The following WASHC4 variants were observed in gnomAD, a reference collection of about 807,000 sequenced individuals.
WASHC4 encodes WASH complex subunit 4, also known as WASH complex subunit 7.
A neutral mutation model predicts 166.6 loss-of-function variants in WASHC4; 86 were observed. That is an observed-to-expected ratio of 0.52 (90% CI 0.43 to 0.62). The LOEUF (loss-of-function observed/expected upper bound fraction) is 0.62. Ranked by LOEUF, WASHC4 falls within the 20% of genes least tolerant of loss-of-function variation. WASHC4 has a pLI of 0.00. For synonymous variants in WASHC4, 446 were observed against 451.6 expected, an observed-to-expected ratio of 0.99 and a Z score of 0.16; for missense variants, 1,262 against 1,382.4, an observed-to-expected ratio of 0.91 and a Z score of 1.38.
rs779356388 is a variant in WASHC4, at chr12:105,168,483, G to A, written c.*1552G>A. On this transcript the variant is annotated 3_prime_UTR_variant, in exon 33 of 33. Coordinates refer to ENST00000332180, the MANE Select transcript of WASHC4 (RefSeq NM_015275.3). Reference sequence around the variant, plus strand: ...TCTTGCATTTGATTATATCAAATTCGTCATTTCATAGCAACAGTATTGTTT... The same window carrying A: ...TCTTGCATTTGATTATATCAAATTCATCATTTCATAGCAACAGTATTGTTT... The A allele has an allele frequency of 2.6e-5, 4 of 151,974 alleles. No homozygotes were observed. Among genetic ancestry groups the A allele is most frequent in the Non-Finnish European group, 4.4e-5 (3 of 67,816 alleles). The allele number at this position is 151,974 out of a possible 1,614,324, so 9.4% of individuals were successfully genotyped here.
chr12:105,148,940 A>G, intron 24 of WASHC4: 1 of 985,220 alleles, frequency 1.0e-6, no homozygotes, highest in Non-Finnish European at 1.2e-6. Context: ...GGATTTTCTG[A>G]GTCAAGGGCT....
intron 25 of WASHC4, 92 bp from the exon 26 acceptor site, chr12:105,152,251 T>A: frequency 1.4e-6 from 1 of 706,562 alleles, no homozygotes. Flanking sequence ...AATACAAAAT[T>A]GAAAGGAGAG....
Position 105,166,974 on chromosome 12 carries a change from T to C in WASHC4, c.*43T>C. On this transcript the variant is annotated 3_prime_UTR_variant, in exon 33 of 33. Coordinates refer to ENST00000332180, the MANE Select transcript of WASHC4 (RefSeq NM_015275.3). ...GCACATATGATGAAATCATCAGAAT[T>C]GTTAAAACTTTTGCCAGTGGAATGG... 1.4e-6 allele frequency: 2 copies of C among 1,392,654 alleles called. No individual in the cohort carries two copies. Among genetic ancestry groups the C allele is most frequent in the Non-Finnish European group, 2.0e-6 (2 of 986,526 alleles). 86.3% of individuals were successfully genotyped at this position (1,392,654 alleles called of 1,614,324 possible).
Position 105,122,344 on chromosome 12 carries a change from T to C in WASHC4, c.786+106T>C. 2.4e-6 allele frequency: 3 copies of C among 1,234,906 alleles called. No homozygotes were observed. In the South Asian group the frequency reaches 4.1e-5, roughly 17 times the overall value. 76.5% of individuals were successfully genotyped at this position (1,234,906 alleles called of 1,614,324 possible). On this transcript the variant is annotated intron_variant, in intron 10 of 32. Transcript: ENST00000332180. ...AATATACTGTTGAATATAATTTTCTTTAAAAAGTGCTTTGGCTTAAAATTA... is the reference window on the plus strand; with the variant it reads ...AATATACTGTTGAATATAATTTTCTCTAAAAAGTGCTTTGGCTTAAAATTA...
In WASHC4 at chr12:105,114,407, A is replaced by G; in HGVS notation, c.301A>G (p.Ile101Val). Residue 101 changes from isoleucine to valine, a missense_variant, in exon 4 of 33, where the codon ATC (isoleucine) becomes GTC (valine). By Grantham distance (29) the Ile-to-Val change is conservative. Coordinates refer to ENST00000332180, the MANE Select transcript of WASHC4 (RefSeq NM_015275.3). The stretch of plus-strand genomic sequence containing the variant: ...TGTTTATGCTGCACTTTGTTGTGAA[A>G]TCAAGAAATTAAAATATGAGGTAAT... ...ITVYAALCCE[I>V]KKLKYEAETK... is the part of the protein sequence containing the mutation. 1 of 1,592,576 alleles carries G rather than the reference A, an allele frequency of 6.3e-7. No homozygotes were observed. The highest frequency in any genetic ancestry group is 8.6e-7 in the Non-Finnish European group (1 of 1,166,438).
intron 26 of WASHC4, among the ~76,000 whole-genome samples, chr12:105,154,411 A>G (rs753222058): frequency 6.6e-6 from 1 of 152,190 alleles, no homozygotes; most frequent in Non-Finnish European, 1.5e-5. Flanking sequence ...GGTGTAAAGA[A>G]TCTGGGAGCA....
intron 28 of WASHC4, among the ~76,000 whole-genome samples, chr12:105,158,407 T>C (rs1013329562): frequency 6.6e-6 from 1 of 152,192 alleles, no homozygotes; most frequent in Non-Finnish European, 1.5e-5. Context: ...AGATGTAATG[T>C]GGCCTCTTGA....
intron 15 of WASHC4, among the ~76,000 whole-genome samples, chr12:105,139,818 A>G (rs1450039613): frequency 6.6e-6 from 1 of 151,722 alleles, no homozygotes; most frequent in Non-Finnish European, 1.5e-5. Flanking sequence ...TTTTCTTTAT[A>G]GAGACTTTTG....
intron 1 of WASHC4, among the ~76,000 whole-genome samples, chr12:105,110,256 TACTTGCTTC>T (rs1879540886): frequency 6.6e-6 from 1 of 152,228 alleles, no homozygotes; most frequent in African/African-American, 2.4e-5. Context: ...CACTTTCTCT[TACTTGCTTC>T]ACATTGCTAA....
In WASHC4 at chr12:105,164,742, T is replaced by A; in HGVS notation, c.3454+2T>A. ...ACCAAGAAAAGAAAGAGAAGGAAGGTCAGTGAGTGGTTTAAATTTGGAAAG... is the reference window on the plus strand; with the variant it reads ...ACCAAGAAAAGAAAGAGAAGGAAGGACAGTGAGTGGTTTAAATTTGGAAAG... On this transcript the variant is annotated splice_donor_variant, in intron 32 of 32. Transcript: ENST00000332180. LOFTEE classifies it high-confidence loss of function. The A allele has an allele frequency of 3.1e-6, 5 of 1,602,646 alleles. No individual in the cohort carries two copies. Among genetic ancestry groups the A allele is most frequent in the African/African-American group, 1.3e-5 (1 of 74,812 alleles).
chr12:105,113,107 G>T (rs1410703845), intron 2 of WASHC4, among the ~76,000 whole-genome samples: 1 of 151,908 alleles, frequency 6.6e-6, no homozygotes, highest in Non-Finnish European at 1.5e-5. Flanking sequence ...CAACACTTCT[G>T]TGAGAATCAT....
chr12:105,163,146 G>A (rs1884607397), intron 30 of WASHC4, among the ~76,000 whole-genome samples: 1 of 151,838 alleles, frequency 6.6e-6, no homozygotes, highest in African/African-American at 2.4e-5. Context: ...TTTTAGTAGA[G>A]ACGGGGTTTC....
intron 14 of WASHC4, 63 bp from the exon 15 acceptor site, chr12:105,137,823 A>T (rs1882450297): frequency 7.1e-7 from 1 of 1,406,462 alleles, no homozygotes; most frequent in African/African-American, 1.4e-5. Flanking sequence ...CTGCTGTTAA[A>T]TAGATAATGA....
intron 14 of WASHC4, among the ~76,000 whole-genome samples, chr12:105,137,064 A>G (rs139032599): frequency 1.3e-5 from 2 of 152,268 alleles, no homozygotes; most frequent in Non-Finnish European, 2.9e-5. Flanking sequence ...TAAACTGTAC[A>G]TGTGTCTCTT....
chr12:105,152,219 A>G (rs1483051070), intron 25 of WASHC4, 124 bp from the exon 26 acceptor site: 5 of 645,294 alleles, frequency 7.7e-6, no homozygotes, highest in African/African-American at 5.5e-5. Flanking sequence ...TATTAATCTT[A>G]ATTAATTTTT....
chr12:105,152,693 A>G (rs1323565524), intron 26 of WASHC4, among the ~76,000 whole-genome samples: 1 of 152,228 alleles, frequency 6.6e-6, no homozygotes, highest in Non-Finnish European at 1.5e-5. Context: ...AAGTTATTTA[A>G]TAACTAAATC....
At chr12:105,146,315 G>A (rs538837431) in intron 22 of WASHC4, 137 bp from the exon 23 acceptor site, 31 of 607,428 alleles carry the variant, frequency 5.1e-5, no homozygotes, top group Admixed American at 1.2e-4. Flanking sequence ...ACGTTTGATC[G>A]TACCTTTTAT....
chr12:105,166,504 T>C (rs1003001972), intron 32 of WASHC4, among the ~76,000 whole-genome samples: 2 of 152,158 alleles, frequency 1.3e-5, no homozygotes, highest in African/African-American at 4.8e-5. Flanking sequence ...AATGGTTCTT[T>C]CTTGGCCCAG....
At chr12:105,150,261 T>C (rs527437273) in intron 25 of WASHC4, among the ~76,000 whole-genome samples, 1 of 151,514 alleles carries the variant, frequency 6.6e-6, no homozygotes, top group Non-Finnish European at 1.5e-5. Context: ...CATAACTTAT[T>C]TAACCTTCTT....
Sources: allele counts gnomAD v4.1 joint callset (sites outside exome capture counted in the v4.1 genomes callset), GRCh38; gene constraint gnomAD v4.1.1; transcripts MANE v1.5; gene names NCBI Gene and HGNC (gene_info 2026-07-23, HGNC 2026-07-21).